BICD1: variants seen among roughly 807,000 people sequenced by gnomAD.
BICD1 encodes the protein protein bicaudal D homolog 1.
BICD1 carries 35 observed loss-of-function variants against 92.5 expected under a neutral mutation model. The observed-to-expected ratio is 0.38, with a 90% CI of 0.29 to 0.50. The LOEUF is 0.50. BICD1 is among the 20% of genes least tolerant of loss of function. The pLI, the probability that BICD1 is intolerant of heterozygous loss-of-function variation, is 0.93. For missense variants in BICD1, 950 were observed against 1,189.8 expected (o/e 0.80, Z 2.97); for synonymous variants, 429 against 465.1 (o/e 0.92, Z 1.00).
chr12:32,233,310 A>G (rs1156991598), intron 2 of BICD1, among the ~76,000 whole-genome samples: 7 of 83,500 alleles, frequency 8.4e-5, no homozygotes, highest in Non-Finnish European at 1.4e-4. Flanking sequence ...TGACAGAGCA[A>G]GAGTCTGTCT....
rs530915918 is a variant in BICD1 at position 32,360,389 on chromosome 12, T to A, written c.2765-7281T>A. ...TGTCAGAAGAAGAAATGTAGAAATATAGTTTTTACACGGTGGAAAAGAAAA... is the reference window on the plus strand; with the variant it reads ...TGTCAGAAGAAGAAATGTAGAAATAAAGTTTTTACACGGTGGAAAAGAAAA... On this transcript the variant is annotated intron_variant, in intron 8 of 9. Coordinates refer to ENST00000652176, the MANE Select transcript of BICD1 (RefSeq NM_001714.4). Among the ~76,000 whole-genome samples the A allele has an allele frequency of 4.4e-4, 67 of 152,290 alleles. No individual in the cohort carries two copies. In the South Asian group the frequency reaches 0.014, roughly 31 times the overall value.
chr12:32,160,730 A>G (rs1285283308), intron 1 of BICD1, among the ~76,000 whole-genome samples: 2 of 152,254 alleles, frequency 1.3e-5, no homozygotes, highest in African/African-American at 4.8e-5. Context: ...ACAAGGTAGT[A>G]AGGTGGGTAG....
At chr12:32,127,103 G>T (rs911307173) in intron 1 of BICD1, among the ~76,000 whole-genome samples, 1 of 151,954 alleles carries the variant, frequency 6.6e-6, no homozygotes, top group Non-Finnish European at 1.5e-5. Context: ...TAGTCCATGG[G>T]TTGTCTTTTT....
chr12:32,126,067 A>T (rs1798268), intron 1 of BICD1, among the ~76,000 whole-genome samples: 37,614 of 148,826 alleles, frequency 0.25, 4,888 homozygotes, highest in South Asian at 0.34. Context: ...AAAAAAAAAA[A>T]AAGCAGTGCA....
At chr12:32,294,221 C>T (rs948468785) in intron 3 of BICD1, 75 bp downstream of exon 3, 53 of 1,362,174 alleles carry the variant, frequency 3.9e-5, no homozygotes, top group Non-Finnish European at 4.9e-5. Context: ...AATCTCCAAA[C>T]TTGTCAGAAT....
intron 8 of BICD1, among the ~76,000 whole-genome samples, chr12:32,366,087 C>A (rs2136329105): frequency 6.6e-6 from 1 of 152,248 alleles, no homozygotes; most frequent in Non-Finnish European, 1.5e-5. Context: ...AAAAATCAAG[C>A]CTGCCTTATA....
intron 1 of BICD1, among the ~76,000 whole-genome samples, chr12:32,127,921 T>TTTTG (rs10685356): frequency 6.6e-6 from 1 of 151,342 alleles, no homozygotes; most frequent in Non-Finnish European, 1.5e-5. Context: ...TTTTTTTTTT[T>TTTTG]GAGACAGACT....
At chr12:32,346,533 C>CGT (rs1163027090) in intron 8 of BICD1, among the ~76,000 whole-genome samples, 4 of 25,238 alleles carry the variant, frequency 1.6e-4, no homozygotes, top group South Asian at 1.3e-3. Flanking sequence ...TATATATATA[C>CGT]GTGTATATAT....
At chr12:32,263,388 A>C (rs921861446) in intron 2 of BICD1, among the ~76,000 whole-genome samples, 1 of 151,922 alleles carries the variant, frequency 6.6e-6, no homozygotes, top group Non-Finnish European at 1.5e-5. Flanking sequence ...CTGTACTAAA[A>C]ATACAAAAAT....
At chr12:32,192,503 C>G (rs2121531430) in intron 1 of BICD1, among the ~76,000 whole-genome samples, 1 of 148,100 alleles carries the variant, frequency 6.8e-6, no homozygotes. Context: ...AAACCTATTA[C>G]TGATATACAG....
chr12:32,374,832 C>T lies in BICD1; in HGVS notation c.2841-2708C>T, dbSNP rs1939875253. Among the ~76,000 whole-genome samples, 6 of 148,078 alleles carry T rather than the reference C, an allele frequency of 4.1e-5. No individual in the cohort carries two copies. The South Asian group carries it at 1.3e-3, about 32-fold the overall frequency. On this transcript the variant is annotated intron_variant, in intron 9 of 9. Coordinates refer to ENST00000652176, the MANE Select transcript of BICD1 (RefSeq NM_001714.4). ...GAACTCCCAACCACAGGTGATCCGC[C>T]TGCCTCGGCCTCCCAAAGTGCTGGG...
At chr12:32,172,991 G>A (rs1421777997) in intron 1 of BICD1, among the ~76,000 whole-genome samples, 2 of 151,824 alleles carry the variant, frequency 1.3e-5, no homozygotes, top group South Asian at 2.1e-4. Flanking sequence ...TCACCAGCCC[G>A]CTCAGCTCCC....
intron 1 of BICD1, among the ~76,000 whole-genome samples, chr12:32,115,386 G>GTTTTT (rs149711623): frequency 0.064 from 6,253 of 97,240 alleles, 183 homozygotes; most frequent in African/African-American, 0.093. Flanking sequence ...TGGTGTTTTT[G>GTTTTT]GTTTTTTTTT....
chr12:32,265,957 T>C (rs1946984771), intron 2 of BICD1, among the ~76,000 whole-genome samples: 1 of 152,228 alleles, frequency 6.6e-6, no homozygotes. Flanking sequence ...GGCAGCATGA[T>C]GAATAAGCGT....
chr12:32,316,110 T>C (rs1391640916), intron 4 of BICD1, among the ~76,000 whole-genome samples: 1 of 141,392 alleles, frequency 7.1e-6, no homozygotes, highest in African/African-American at 2.7e-5. Flanking sequence ...CACTCCAGCC[T>C]GGGCAACAGA....
chr12:32,320,112 A>G (rs1489668827), intron 4 of BICD1, among the ~76,000 whole-genome samples: 1 of 152,134 alleles, frequency 6.6e-6, no homozygotes, highest in African/African-American at 2.4e-5. Context: ...GTTTCTCTTC[A>G]AGCAGAGAAG....
intron 1 of BICD1, among the ~76,000 whole-genome samples, chr12:32,212,708 C>A (rs1945253273): frequency 6.6e-6 from 1 of 152,210 alleles, no homozygotes; most frequent in Admixed American, 6.5e-5. Context: ...CAGGCGTGAG[C>A]CACCGTGTCC....
At chr12:32,338,573 G>C (rs1381603638) in intron 7 of BICD1, 3 of 443,134 alleles carry the variant, frequency 6.8e-6, no homozygotes, top group South Asian at 4.5e-5. Context: ...CTGACTAACT[G>C]TAATAAATCT....
intron 1 of BICD1, among the ~76,000 whole-genome samples, chr12:32,146,588 GT>G (rs34298012): frequency 0.14 from 20,927 of 152,172 alleles, 1,662 homozygotes; most frequent in East Asian, 0.22. Context: ...AGTCACAGGA[GT>G]GAATGAGATT....
Sources: allele counts gnomAD v4.1 joint callset (sites outside exome capture counted in the v4.1 genomes callset), GRCh38; gene constraint gnomAD v4.1.1; transcripts MANE v1.5; gene names NCBI Gene and HGNC (gene_info 2026-07-23, HGNC 2026-07-21).